Variants in RNF20 observed in about 807,000 individuals in gnomAD.
RNF20 encodes the protein ring finger protein 20, also known as E3 ubiquitin-protein ligase BRE1A.
In RNF20, 84 loss-of-function variants were observed where a neutral mutation model predicts 126.2. The ratio of observed to expected loss-of-function variants is 0.67; its 90% CI spans 0.56 to 0.80. The LOEUF (loss-of-function observed/expected upper bound fraction) is 0.80. Among genes scored for constraint, RNF20 ranks in the 30% least tolerant of loss-of-function variants. The probability of loss-of-function intolerance (pLI) is 0.00; values close to 1 mark genes in which losing one functional copy is unlikely to be tolerated. For synonymous variants in RNF20, 400 were observed against 414.3 expected (o/e 0.97, Z 0.42); for missense variants, 869 against 1,188.2 (o/e 0.73, Z 3.95).
chr9:101,539,878 A>G (rs904099508), intron 2 of RNF20, among the ~76,000 whole-genome samples: 1 of 151,870 alleles, frequency 6.6e-6, no homozygotes, highest in East Asian at 1.9e-4. Flanking sequence ...TGCTTACGAG[A>G]TAGAAGACAG....
Position 101,561,238 on chromosome 9 carries a change from C to A in RNF20, c.2649+8C>A. The A allele has an allele frequency of 6.2e-7, 1 of 1,612,940 alleles. No homozygotes were observed. Among genetic ancestry groups the A allele is most frequent in the Non-Finnish European group, 8.5e-7 (1 of 1,179,336 alleles). ...AATTTCAAACGAGCCCAGGTAAAAG[C>A]AGTTGTCTTTTCTTGTCACCTTTTA... On this transcript the variant is annotated splice_region_variant and intron_variant, in intron 18 of 19. Transcript: ENST00000389120.
chr9:101,552,699 A>G lies in RNF20; in HGVS notation c.1847A>G (p.Asp616Gly). ...SAKDKEKGKH[D>G]DGRKKEAEII... ...AAGGATAAAGAGAAAGGCAAACATG[A>G]TGATGGACGGAAAAAGGAAGCAGAA... The change falls in exon 13 of 20, where the codon GAT becomes GGT. Residue 616 changes from aspartate to glycine, a missense_variant. This residue lies in a region of RNF20 where 231 missense variants were observed against 263.6 expected (regional missense o/e 0.88). Transcript: ENST00000389120. 1 of 1,583,802 alleles carries G rather than the reference A, an allele frequency of 6.3e-7. No individual in the cohort carries two copies.
At position 101,535,458 on chromosome 9, in the gene RNF20, A is replaced by C; in HGVS notation, c.35A>C (p.Glu12Ala). ...SGIGNKRAAG[E>A]PGTSMPPEKK... is the part of the protein sequence containing the mutation. ...ATTGGAAATAAAAGAGCAGCTGGAGAACCTGGCACCTCCATGCCTCCTGAG... is the reference window on the plus strand; with the variant it reads ...ATTGGAAATAAAAGAGCAGCTGGAGCACCTGGCACCTCCATGCCTCCTGAG... Residue 12 changes from glutamate (E) to alanine (A), a missense_variant, in exon 2 of 20, where the codon GAA (glutamate) becomes GCA (alanine). Glu to Ala is a moderately radical substitution (Grantham distance 107). This residue lies in a region of RNF20 where 157 missense variants were observed against 236.0 expected (regional missense o/e 0.67). Coordinates refer to ENST00000389120, the MANE Select transcript of RNF20 (RefSeq NM_019592.7). 1 of 1,613,904 alleles carries C rather than the reference A, an allele frequency of 6.2e-7. No homozygotes were observed. The highest frequency in any genetic ancestry group is 1.1e-5 in the South Asian group (1 of 91,040).
chr9:101,550,863 T>C lies in RNF20; in HGVS notation c.1272+78T>C, dbSNP rs897508214. 2.8e-5 allele frequency: 35 copies of C among 1,233,924 alleles called. No individual in the cohort carries two copies. In the Middle Eastern group the frequency reaches 5.6e-4, roughly 20 times the overall value. 76.4% of individuals were successfully genotyped at this position (1,233,924 alleles called of 1,614,324 possible). On this transcript the variant is annotated intron_variant, in intron 10 of 19. Coordinates refer to ENST00000389120, the MANE Select transcript of RNF20 (RefSeq NM_019592.7). Reference sequence around the variant, plus strand: ...TACAATTTTACTCCCTCATGTGCAATTAATCTCTCATTCATTCAGCTGTCA... The same window carrying C: ...TACAATTTTACTCCCTCATGTGCAACTAATCTCTCATTCATTCAGCTGTCA...
chr9:101,546,725 C>A, intron 6 of RNF20, 95 bp from the exon 7 acceptor site: 1 of 1,281,960 alleles, frequency 7.8e-7, no homozygotes, highest in Non-Finnish European at 1.1e-6. Context: ...CTTCTATTTG[C>A]CTCTTTTCTA....
chr9:101,535,289 C>T, intron 1 of RNF20, 109 bp from the exon 2 acceptor site: 2 of 630,316 alleles, frequency 3.2e-6, no homozygotes, highest in Non-Finnish European at 5.1e-6. Context: ...ATTAATGGAT[C>T]CAGGTTAAAG....
chr9:101,550,688 A>G lies in RNF20; in HGVS notation c.1175A>G (p.Tyr392Cys). The change falls in exon 10 of 20, where the codon TAT becomes TGT. Residue 392 changes from tyrosine (Y) to cysteine (C), a missense_variant. Tyr to Cys is a radical substitution (Grantham distance 194). Coordinates refer to ENST00000389120, the MANE Select transcript of RNF20 (RefSeq NM_019592.7). Reference protein sequence around the residue: ...RCMQSQFSVLYNESLQLKAHL... With the variant: ...RCMQSQFSVLCNESLQLKAHL... ...ATGCAGTCACAGTTCTCCGTCTTGT[A>G]TAATGAGAGCCTACAGTTGAAAGCA... 2 of 1,614,190 alleles carry G rather than the reference A, an allele frequency of 1.2e-6. No homozygotes were observed. Among genetic ancestry groups the G allele is most frequent in the East Asian group, 2.2e-5 (1 of 44,886 alleles).
chr9:101,550,543 T>C, intron 9 of RNF20, 63 bp from the exon 10 acceptor site: 1 of 1,433,886 alleles, frequency 7.0e-7, no homozygotes, highest in Non-Finnish European at 9.6e-7. Flanking sequence ...AAATTTTACT[T>C]CCTGTCTAGC....
chr9:101,554,457 A>G (rs1165387160), intron 14 of RNF20, among the ~76,000 whole-genome samples: 4 of 152,184 alleles, frequency 2.6e-5, no homozygotes, highest in South Asian at 2.1e-4. Flanking sequence ...CCACTATTCT[A>G]AAGAAAGTTA....
intron 9 of RNF20, among the ~76,000 whole-genome samples, chr9:101,549,901 A>G (rs1374635068): frequency 6.6e-6 from 1 of 152,262 alleles, no homozygotes; most frequent in Non-Finnish European, 1.5e-5. Flanking sequence ...ATATTCATAT[A>G]TAATCATATC....
At chr9:101,561,836 C>G in intron 18 of RNF20, 74 bp from the exon 19 acceptor site, 1 of 1,002,970 alleles carries the variant, frequency 1.0e-6, no homozygotes, top group East Asian at 2.4e-5. Context: ...CAACAGAAAA[C>G]TCAAGTCTAT....
Position 101,560,845 on chromosome 9 carries a change from G to A in RNF20, c.2427G>A (p.Glu809=). Residue 809 remains glutamate (E), a synonymous_variant, in exon 17 of 20, where the codon GAG becomes GAA. Coordinates refer to ENST00000389120, the MANE Select transcript of RNF20 (RefSeq NM_019592.7). ...TAGTAAGGAAACTGGAAGAGAAGGAGCATCTGTTACAGAGCAACATTGGCA... is the reference window on the plus strand; with the variant it reads ...TAGTAAGGAAACTGGAAGAGAAGGAACATCTGTTACAGAGCAACATTGGCA... ...LQVVRKLEEK[E]HLLQSNIGTG... is the part of the protein sequence containing the mutation. The A allele has an allele frequency of 6.2e-7, 1 of 1,613,496 alleles. No individual in the cohort carries two copies. The highest frequency in any genetic ancestry group is 8.5e-7 in the Non-Finnish European group (1 of 1,179,604).
At chr9:101,554,900 G>A in intron 15 of RNF20, 57 bp downstream of exon 15, 2 of 1,292,032 alleles carry the variant, frequency 1.5e-6, no homozygotes, top group Non-Finnish European at 2.0e-6. Flanking sequence ...TTGACAATAA[G>A]TTATTGCCAG....
intron 2 of RNF20, among the ~76,000 whole-genome samples, chr9:101,539,572 A>G (rs1035084867): frequency 1.3e-5 from 2 of 152,216 alleles, no homozygotes; most frequent in Admixed American, 1.3e-4. Flanking sequence ...GGTTAAGGGC[A>G]TGAGATACCT....
intron 15 of RNF20, among the ~76,000 whole-genome samples, chr9:101,556,834 A>C (rs1827543942): frequency 6.6e-6 from 1 of 152,216 alleles, no homozygotes; most frequent in African/African-American, 2.4e-5. Context: ...AGGGAAAAAA[A>C]CTCAAGAATC....
rs1330742542 is a variant in RNF20, at chr9:101,554,711, A to G, written c.2037A>G (p.Gln679=). ...KSKAELEDLR[Q]RLKDLEDKEK... is the part of the protein sequence containing the mutation. ...TCTTATAGTTGGAAGATCTAAGGCA[A>G]AGACTCAAGGATCTGGAAGATAAAG... is the stretch of plus-strand genomic sequence containing the variant. Residue 679 remains glutamine (Q), a synonymous_variant, in exon 15 of 20, where the codon CAA becomes CAG. Transcript: ENST00000389120. 1 of 1,611,204 alleles carries G rather than the reference A, an allele frequency of 6.2e-7. No homozygotes were observed. Among genetic ancestry groups the G allele is most frequent in the Non-Finnish European group, 8.5e-7 (1 of 1,178,216 alleles).
intron 2 of RNF20, among the ~76,000 whole-genome samples, chr9:101,537,088 G>A (rs1483229801): frequency 1.3e-5 from 2 of 152,194 alleles, no homozygotes; most frequent in Non-Finnish European, 2.9e-5. Context: ...GAAAAACTGA[G>A]TCTCCAAAGT....
At chr9:101,544,024 G>A (rs1221675553) in intron 5 of RNF20, among the ~76,000 whole-genome samples, 2 of 151,144 alleles carry the variant, frequency 1.3e-5, no homozygotes, top group Non-Finnish European at 2.9e-5. Context: ...ATATGAGAAA[G>A]CATATTTTTC....
chr9:101,542,621 C>T (rs1052470180), intron 5 of RNF20, among the ~76,000 whole-genome samples: 1 of 152,082 alleles, frequency 6.6e-6, no homozygotes, highest in African/African-American at 2.4e-5. Flanking sequence ...TCTCCTTGGG[C>T]TCTAATTGAA....
Sources: gnomAD v4.1 joint callset for allele counts (sites outside exome capture counted in the v4.1 genomes callset) on GRCh38, gnomAD v4.1.1 for gene constraint, gnomAD v4.1.1 regional missense constraint, MANE v1.5 for transcripts, NCBI Gene and HGNC (gene_info 2026-07-23, HGNC 2026-07-21) for gene names.